The following SCOC variants were observed in gnomAD, a reference collection of about 807,000 sequenced individuals.
The protein encoded by SCOC is short coiled-coil protein, also known as short coiled coil protein.
A neutral mutation model predicts 9.9 loss-of-function variants in SCOC; 7 were observed. The observed-to-expected ratio is 0.71, with a 90% confidence interval of 0.40 to 1.33. SCOC has a LOEUF of 1.33. Ranked by LOEUF, SCOC falls within the 40% of genes most tolerant of loss-of-function variation. The probability of loss-of-function intolerance (pLI) is 0.01; values close to 1 mark genes in which losing one functional copy is unlikely to be tolerated. For missense variants in SCOC, 66 were observed against 89.7 expected, an observed-to-expected ratio of 0.74 and a Z score of 1.07; for synonymous variants, 19 against 28.2, an observed-to-expected ratio of 0.67 and a Z score of 1.03.
intron 1 of SCOC, among the ~76,000 whole-genome samples, chr4:140,260,869 A>G (rs1195439622): frequency 1.3e-5 from 2 of 152,222 alleles, no homozygotes; most frequent in African/African-American, 2.4e-5. Context: ...TAGTTTAAGC[A>G]TATTCATTCC....
chr4:140,287,222 C>G (rs1178774482), intron 1 of SCOC, among the ~76,000 whole-genome samples: 2 of 151,002 alleles, frequency 1.3e-5, no homozygotes, highest in African/African-American at 4.9e-5. Flanking sequence ...GCCACACAGA[C>G]CATGCACATA....
intron 1 of SCOC, among the ~76,000 whole-genome samples, chr4:140,278,704 GA>G (rs1193161914): frequency 6.6e-6 from 1 of 152,100 alleles, no homozygotes; most frequent in Non-Finnish European, 1.5e-5. Context: ...ATACATTTTG[GA>G]GGGACACATA....
At chr4:140,340,996 C>G (rs1003558576), upstream of SCOC, among the ~76,000 whole-genome samples, 1 of 151,554 alleles carries the variant, frequency 6.6e-6, no homozygotes, top group Non-Finnish European at 1.5e-5. Flanking sequence ...CAGGGTTTCA[C>G]CATGCTGGCC....
chr4:140,291,559 G>A (rs1171431698), intron 1 of SCOC: 1 of 453,982 alleles, frequency 2.2e-6, no homozygotes, highest in Non-Finnish European at 4.5e-6. Flanking sequence ...GAGTGAGTTT[G>A]AAAAGCAACA....
At chr4:140,261,690 A>G (rs1338532930) in intron 1 of SCOC, among the ~76,000 whole-genome samples, 1 of 152,266 alleles carries the variant, frequency 6.6e-6, no homozygotes, top group East Asian at 1.9e-4. Flanking sequence ...CCAGTTACAA[A>G]GTAGAATATA....
intron 1 of SCOC, among the ~76,000 whole-genome samples, chr4:140,282,287 G>C (rs1731118551): frequency 6.6e-6 from 1 of 152,136 alleles, no homozygotes; most frequent in Non-Finnish European, 1.5e-5. Flanking sequence ...AAAGACAAAT[G>C]GCCTTCTATC....
chr4:140,354,714 G>A, intron 2 of SCOC, among the ~76,000 whole-genome samples: 1 of 144,914 alleles, frequency 6.9e-6, no homozygotes, highest in South Asian at 2.2e-4. Context: ...ATCCTTAAGG[G>A]TTTTTTTTTT....
chr4:140,279,497 A>T (rs770248188), intron 1 of SCOC, among the ~76,000 whole-genome samples: 1 of 152,090 alleles, frequency 6.6e-6, no homozygotes, highest in Non-Finnish European at 1.5e-5. Context: ...TGTTTCAAGG[A>T]CTATCCTTGG....
At chr4:140,286,806 C>G (rs1484621236) in intron 1 of SCOC, among the ~76,000 whole-genome samples, 1 of 152,182 alleles carries the variant, frequency 6.6e-6, no homozygotes, top group Non-Finnish European at 1.5e-5. Context: ...CTCTAAGCTA[C>G]TTGGGAAATT....
At chr4:140,379,840 A>G (rs577035436) in intron 3 of SCOC, among the ~76,000 whole-genome samples, 188 bp downstream of exon 3, 1 of 152,310 alleles carries the variant, frequency 6.6e-6, no homozygotes, top group East Asian at 1.9e-4. Context: ...GTCAAGTCAA[A>G]TGTTGTTATT....
chr4:140,304,427 A>G (rs1426901761), intron 1 of SCOC, among the ~76,000 whole-genome samples: 2 of 152,202 alleles, frequency 1.3e-5, no homozygotes, highest in African/African-American at 4.8e-5. Context: ...AAAACAAAAC[A>G]AAACAAACCA....
chr4:140,284,770 CAAA>C (rs34770368), intron 1 of SCOC: 1,405 of 78,858 alleles, frequency 0.018, 18 homozygotes, highest in East Asian at 0.048. Context: ...CTATTTCTTT[CAAA>C]AAAAAAAAAA....
intron 1 of SCOC, among the ~76,000 whole-genome samples, chr4:140,327,737 C>T (rs1405611713): frequency 6.6e-6 from 1 of 152,168 alleles, no homozygotes; most frequent in Non-Finnish European, 1.5e-5. Context: ...CTGGAGTAAT[C>T]CAACACTTTG....
At chr4:140,270,833 A>G (rs563990936) in intron 1 of SCOC, among the ~76,000 whole-genome samples, 2 of 152,316 alleles carry the variant, frequency 1.3e-5, no homozygotes, top group East Asian at 3.9e-4. Context: ...TCAAAGAATT[A>G]GAATAAAAAG....
chr4:140,281,644 G>T (rs1731098885), intron 1 of SCOC, among the ~76,000 whole-genome samples: 2 of 152,222 alleles, frequency 1.3e-5, no homozygotes, highest in South Asian at 4.1e-4. Flanking sequence ...CTGGAAGCAG[G>T]TGCTGGGGAG....
At chr4:140,329,560 G>A (rs1268986379) in intron 1 of SCOC, among the ~76,000 whole-genome samples, 1 of 151,966 alleles carries the variant, frequency 6.6e-6, no homozygotes, top group African/African-American at 2.4e-5. Flanking sequence ...TCTGACAAAG[G>A]ACTAATATCC....
intron 1 of SCOC, among the ~76,000 whole-genome samples, chr4:140,266,590 A>G (rs757459334): frequency 1.5e-4 from 23 of 152,164 alleles, no homozygotes; most frequent in Admixed American, 4.6e-4. Flanking sequence ...AGAGGGCACA[A>G]TCAGTCTCTA....
chr4:140,362,688 A>G (rs1396959001), intron 2 of SCOC: 1 of 152,056 alleles, frequency 6.6e-6, no homozygotes, highest in Non-Finnish European at 1.5e-5. Flanking sequence ...TTTTAAAAAT[A>G]TTTCTATTAA....
chr4:140,333,160 T>G (rs1300000695), intron 1 of SCOC, among the ~76,000 whole-genome samples: 1 of 152,166 alleles, frequency 6.6e-6, no homozygotes, highest in East Asian at 1.9e-4. Context: ...TCAGATGCCC[T>G]CGGGCTGGCT....
Sources: allele counts gnomAD v4.1 joint callset (sites outside exome capture counted in the v4.1 genomes callset), GRCh38; gene constraint gnomAD v4.1.1; transcripts MANE v1.5; gene names NCBI Gene and HGNC (gene_info 2026-07-23, HGNC 2026-07-21).